Variants in BPNT1 observed in about 807,000 individuals in gnomAD.
The protein encoded by BPNT1 is 3'(2'),5'-bisphosphate nucleotidase 1.
A neutral mutation model predicts 36.9 loss-of-function variants in BPNT1; 28 were observed. That is an observed-to-expected ratio of 0.76 (90% CI 0.56 to 1.04). The LOEUF (loss-of-function observed/expected upper bound fraction) is 1.04, where lower values mean the gene tolerates loss of function less well. BPNT1 is among the 50% of genes least tolerant of loss of function. The probability of loss-of-function intolerance (pLI) is 0.00; values close to 1 mark genes in which losing one functional copy is unlikely to be tolerated. For synonymous variants in BPNT1, 119 were observed against 130.9 expected (o/e 0.91, Z 0.62); for missense variants, 313 against 372.9 (o/e 0.84, Z 1.32).
At chr1:220,070,546 C>T (rs1177382676) in intron 4 of BPNT1, among the ~76,000 whole-genome samples, 1 of 152,030 alleles carries the variant, frequency 6.6e-6, no homozygotes, top group Middle Eastern at 3.4e-3. Context: ...AGGGTTTCAC[C>T]GTGTTAGCGG....
At chr1:220,080,108 C>G (rs1341385896) in intron 1 of BPNT1, among the ~76,000 whole-genome samples, 1 of 152,090 alleles carries the variant, frequency 6.6e-6, no homozygotes, top group Admixed American at 6.6e-5. Context: ...GAGAAACTGG[C>G]CCAGGATGCT....
At chr1:220,063,172 C>T (rs977975850) in intron 6 of BPNT1, among the ~76,000 whole-genome samples, 4 of 152,106 alleles carry the variant, frequency 2.6e-5, no homozygotes, top group Non-Finnish European at 5.9e-5. Context: ...CACGGTGAAA[C>T]CCCGTCTCTA....
Position 220,072,857 on chromosome 1 carries a change from T to G in BPNT1, c.326A>C (p.Glu109Ala), listed in dbSNP as rs762970937. Residue 109 changes from glutamate (E) to alanine (A), a missense_variant, in exon 4 of 9, where the codon GAA (glutamate) becomes GCA (alanine). Glu to Ala is a moderately radical substitution (Grantham distance 107). Coordinates refer to ENST00000322067, the MANE Select transcript of BPNT1 (RefSeq NM_006085.6). ...PCPSQYSAIK[E>A]EDLVVWVDPL... ...TATAAATATGGGTCATACATCTTCT[T>G]CTTTAATAGCACTGTACTGCGATGG... 1.2e-6 allele frequency: 2 copies of G among 1,613,254 alleles called. No homozygotes were observed. The highest frequency in any genetic ancestry group is 2.7e-5 in the African/African-American group (2 of 74,932).
intron 1 of BPNT1, among the ~76,000 whole-genome samples, chr1:220,082,107 G>T (rs1655214752): frequency 6.9e-6 from 1 of 144,632 alleles, no homozygotes; most frequent in Non-Finnish European, 1.5e-5. Flanking sequence ...GAGAGAGAGA[G>T]AGAGAGAGAG....
chr1:220,059,597 C>A, intron 8 of BPNT1, 89 bp downstream of exon 8: 5 of 1,015,796 alleles, frequency 4.9e-6, no homozygotes, highest in South Asian at 1.7e-5. Flanking sequence ...TCGTAACAGT[C>A]TAAGTAAAAT....
At position 220,062,745 on chromosome 1, in the gene BPNT1, C is replaced by T; in HGVS notation, c.672+12G>A. Reference sequence around the variant, plus strand: ...CTTGCACTTCAGAGCAGATGACAGACATTTTTCATACCTTATTTCCTGCTC... The same window carrying T: ...CTTGCACTTCAGAGCAGATGACAGATATTTTTCATACCTTATTTCCTGCTC... On this transcript the variant is annotated intron_variant, in intron 7 of 8. Transcript: ENST00000322067. The T allele has an allele frequency of 6.2e-7, 1 of 1,613,782 alleles. No individual in the cohort carries two copies. Among genetic ancestry groups the T allele is most frequent in the Non-Finnish European group, 8.5e-7 (1 of 1,179,644 alleles).
intron 1 of BPNT1, among the ~76,000 whole-genome samples, chr1:220,082,031 G>A (rs1027401466): frequency 5.0e-5 from 7 of 138,672 alleles, no homozygotes; most frequent in African/African-American, 1.4e-4. Context: ...TTATTTCATC[G>A]CAATAAGGGA....
At chr1:220,071,340 ATGTTCTTCTAAAAATATAAGGTAGCAACC>A (rs1456211246) in intron 4 of BPNT1, among the ~76,000 whole-genome samples, 1 of 152,180 alleles carries the variant, frequency 6.6e-6, no homozygotes, top group East Asian at 1.9e-4. Context: ...GATGACATTT[ATGTTCTTCTAAAAATATAAGGTAGCAACC>A]TGTTTCATAG....
intron 3 of BPNT1, among the ~76,000 whole-genome samples, chr1:220,073,546 C>G (rs991769925): frequency 2.0e-5 from 3 of 152,182 alleles, no homozygotes; most frequent in African/African-American, 7.2e-5. Flanking sequence ...CCCGCCTCAG[C>G]CTCCCAAAGT....
chr1:220,068,861 A>T (rs2102672903), intron 5 of BPNT1, among the ~76,000 whole-genome samples: 1 of 152,270 alleles, frequency 6.6e-6, no homozygotes, highest in Non-Finnish European at 1.5e-5. Flanking sequence ...TCCTACATTT[A>T]TATGGCCAAT....
intron 8 of BPNT1, among the ~76,000 whole-genome samples, chr1:220,059,243 CTTTTTT>C (rs11292010): frequency 1.2e-4 from 7 of 57,858 alleles, no homozygotes. Context: ...ATTTTCTTTT[CTTTTTT>C]TTTTTTTTTT....
At chr1:220,065,618 G>A (rs1033017414) in intron 6 of BPNT1, among the ~76,000 whole-genome samples, 1 of 152,142 alleles carries the variant, frequency 6.6e-6, no homozygotes, top group African/African-American at 2.4e-5. Flanking sequence ...CCATTTACCA[G>A]CTGGGTGACC....
At chr1:220,070,856 C>T (rs887040841) in intron 4 of BPNT1, among the ~76,000 whole-genome samples, 7 of 151,370 alleles carry the variant, frequency 4.6e-5, no homozygotes, top group Admixed American at 6.6e-5. Context: ...ATAGGTTTCA[C>T]GCTGGTCATG....
intron 2 of BPNT1, among the ~76,000 whole-genome samples, chr1:220,074,459 G>C (rs1664361025): frequency 6.6e-6 from 1 of 151,764 alleles, no homozygotes; most frequent in Non-Finnish European, 1.5e-5. Context: ...TAATTCAACA[G>C]GTCCTCAAGT....
At position 220,087,939 on chromosome 1, in the gene BPNT1, G is replaced by A. The variant is rs545086685; in HGVS notation, c.-9+1747C>T. 5.3e-4 allele frequency among the ~76,000 whole-genome samples: 81 copies of A among 151,956 alleles called. 1 individual carries two copies. Among genetic ancestry groups the A allele is most frequent in the South Asian group, 4.6e-3 (22 of 4,808 alleles). ...GTTGCCCAGGCTGGAGTGCAATGGC[G>A]AGATCTTGGCTCACCGCAACCTCTG... On this transcript the variant is annotated intron_variant, in intron 1 of 8. Coordinates refer to ENST00000322067, the MANE Select transcript of BPNT1 (RefSeq NM_006085.6).
At position 220,058,844 on chromosome 1, in the gene BPNT1, T is replaced by C; in HGVS notation, c.927A>G (p.Ter309=). 6.2e-7 allele frequency: 1 copy of C among 1,613,930 alleles called. No individual in the cohort carries two copies. Among genetic ancestry groups the C allele is most frequent in the Non-Finnish European group, 8.5e-7 (1 of 1,179,882 alleles). The change falls in exon 9 of 9, where the codon TAA becomes TAG. Residue 309 remains the stop codon, a stop_retained_variant. Transcript: ENST00000322067. ...PESIKNALVP[*] is the part of the protein sequence containing the mutation. ...GCGCCCGGCCAAATGAAACTTTCCTTTAAGGAACAAGTGCATTTTTAATAG... is the reference window on the plus strand; with the variant it reads ...GCGCCCGGCCAAATGAAACTTTCCTCTAAGGAACAAGTGCATTTTTAATAG...
chr1:220,059,884 G>A (rs1486621148), intron 7 of BPNT1, 93 bp from the exon 8 acceptor site: 1 of 896,406 alleles, frequency 1.1e-6, no homozygotes, highest in East Asian at 2.6e-5. Context: ...AAAACTGCTT[G>A]TTTCTATCAA....
rs1429740104 is a variant in BPNT1, at chr1:220,062,811, A to G, written c.618T>C (p.Cys206=). The G allele has an allele frequency of 2.5e-6, 4 of 1,614,066 alleles. No individual in the cohort carries two copies. Among genetic ancestry groups the G allele is most frequent in the Non-Finnish European group, 3.4e-6 (4 of 1,180,040 alleles). ...CAGCATCGGGGTTCATAGCAGCAAC[A>G]CAGTCAGTAACCAACTTGTTGCTAT... ...RSHSNKLVTD[C]VAAMNPDAVL... is the part of the protein sequence containing the mutation. The change falls in exon 7 of 9, where the codon TGT becomes TGC. Residue 206 remains cysteine (C), a synonymous_variant. Coordinates refer to ENST00000322067, the MANE Select transcript of BPNT1 (RefSeq NM_006085.6).
intron 3 of BPNT1, among the ~76,000 whole-genome samples, 198 bp downstream of exon 3, chr1:220,073,769 A>T (rs73096557): frequency 0.13 from 19,988 of 152,222 alleles, 1,417 homozygotes; most frequent in Middle Eastern, 0.2. Flanking sequence ...AATTAAGACA[A>T]CTGGCTTAGA....
Sources: allele counts gnomAD v4.1 joint callset (sites outside exome capture counted in the v4.1 genomes callset), GRCh38; gene constraint gnomAD v4.1.1; transcripts MANE v1.5; gene names NCBI Gene and HGNC (gene_info 2026-07-23, HGNC 2026-07-21).